SQOR: variants seen among roughly 807,000 people sequenced by gnomAD.
The protein encoded by SQOR is sulfide:quinone oxidoreductase, mitochondrial.
A neutral mutation model predicts 48.6 loss-of-function variants in SQOR; 39 were observed. The ratio of observed to expected loss-of-function variants is 0.80; its 90% CI spans 0.62 to 1.05. The LOEUF is 1.05. Ranked by LOEUF, SQOR falls within the 50% of genes least tolerant of loss-of-function variation. The probability of loss-of-function intolerance (pLI) is 0.00; values close to 1 mark genes in which losing one functional copy is unlikely to be tolerated. For synonymous variants in SQOR, 220 were observed against 206.2 expected (o/e 1.07, Z -0.57); for missense variants, 561 against 559.9 (o/e 1.00, Z -0.02).
intron 3 of SQOR, among the ~76,000 whole-genome samples, chr15:45,668,431 A>G (rs1043245542): frequency 6.6e-6 from 1 of 152,254 alleles, no homozygotes; most frequent in Non-Finnish European, 1.5e-5. Context: ...AAGGAATAAG[A>G]CATAACTTTT....
At chr15:45,649,345 A>G (rs1161890426) in intron 1 of SQOR, among the ~76,000 whole-genome samples, 3 of 152,240 alleles carry the variant, frequency 2.0e-5, no homozygotes, top group Non-Finnish European at 4.4e-5. Flanking sequence ...CATCCTTTGA[A>G]GGAGGGACAC....
At chr15:45,671,725 G>T (rs949691708) in intron 4 of SQOR, among the ~76,000 whole-genome samples, 7 of 152,188 alleles carry the variant, frequency 4.6e-5, no homozygotes, top group Non-Finnish European at 1.0e-4. Context: ...TTTGGGTTCT[G>T]TTGGACTCAG....
chr15:45,688,887 A>C (rs984111425), intron 8 of SQOR, 152 bp from the exon 9 acceptor site: 1 of 609,602 alleles, frequency 1.6e-6, no homozygotes, highest in Non-Finnish European at 2.7e-6. Flanking sequence ...TTTTTTTTGT[A>C]ATATAATTTA....
chr15:45,673,699 C>G lies in SQOR; in HGVS notation c.552C>G (p.Asp184Glu), dbSNP rs1184930437. Residue 184 changes from aspartate to glutamate, a missense_variant, in exon 5 of 10, where the codon GAC becomes GAG. By Grantham distance (45) the Asp-to-Glu change is conservative. Coordinates refer to ENST00000260324, the MANE Select transcript of SQOR (RefSeq NM_021199.4). ...AGAAGACATGGAAAGCTCTGCAGGA[C>G]TTCAAAGAGGGCAATGCCATCTTCA... ...TVEKTWKALQDFKEGNAIFTF... is the reference protein window; with the variant it reads ...TVEKTWKALQEFKEGNAIFTF... The G allele has an allele frequency of 1.2e-6, 2 of 1,614,084 alleles. No homozygotes were observed. Among genetic ancestry groups the G allele is most frequent in the African/African-American group, 2.7e-5 (2 of 74,924 alleles).
At chr15:45,663,557 T>A (rs543016760) in intron 3 of SQOR, among the ~76,000 whole-genome samples, 3 of 151,938 alleles carry the variant, frequency 2.0e-5, no homozygotes, top group South Asian at 4.2e-4. Flanking sequence ...CTTGAGCCCA[T>A]GAGGTCAAGG....
At position 45,642,406 on chromosome 15, in the gene SQOR, G is replaced by A. The variant is rs543335673; in HGVS notation, c.-18+7298G>A. On this transcript the variant is annotated intron_variant, in intron 1 of 9. Coordinates refer to ENST00000260324, the MANE Select transcript of SQOR (RefSeq NM_021199.4). ...AAGAATCTGGAATATTTTTTGTCGA[G>A]ATCTCCAAATTTTTTAATGTTGATG... Among the ~76,000 whole-genome samples the A allele has an allele frequency of 2.6e-5, 4 of 152,294 alleles. No homozygotes were observed. In the South Asian group the frequency reaches 8.3e-4, roughly 32 times the overall value.
chr15:45,669,597 T>C (rs1267136698), intron 3 of SQOR, among the ~76,000 whole-genome samples: 1 of 152,186 alleles, frequency 6.6e-6, no homozygotes, highest in Non-Finnish European at 1.5e-5. Flanking sequence ...CACATAGCTG[T>C]CTCAAGCTTT....
At chr15:45,690,396 C>A (rs1370120609) in intron 9 of SQOR, among the ~76,000 whole-genome samples, 2 of 152,186 alleles carry the variant, frequency 1.3e-5, no homozygotes, top group Non-Finnish European at 2.9e-5. Flanking sequence ...CTGATGACCT[C>A]CTTTGACTTT....
intron 3 of SQOR, among the ~76,000 whole-genome samples, chr15:45,664,694 G>A (rs912115030): frequency 2.0e-5 from 3 of 151,920 alleles, no homozygotes; most frequent in East Asian, 1.9e-4. Flanking sequence ...GCTTGAGGTC[G>A]GTGCAAATTG....
At chr15:45,674,801 C>T (rs1890006465) in intron 5 of SQOR, among the ~76,000 whole-genome samples, 1 of 152,194 alleles carries the variant, frequency 6.6e-6, no homozygotes. Context: ...TTCTTGCCCT[C>T]CCTGCTCTTG....
chr15:45,657,418 A>G (rs541383686), intron 1 of SQOR, among the ~76,000 whole-genome samples: 1 of 152,266 alleles, frequency 6.6e-6, no homozygotes, highest in Middle Eastern at 3.4e-3. Context: ...TTAGATTCCT[A>G]GAAATGGAAA....
intron 1 of SQOR, among the ~76,000 whole-genome samples, chr15:45,637,293 C>T (rs1895022132): frequency 6.6e-6 from 1 of 152,146 alleles, no homozygotes; most frequent in African/African-American, 2.4e-5. Flanking sequence ...AATTTCTTTT[C>T]GCCTCAGCTT....
At chr15:45,636,517 C>T (rs1895009842) in intron 1 of SQOR, among the ~76,000 whole-genome samples, 1 of 151,592 alleles carries the variant, frequency 6.6e-6, no homozygotes, top group Non-Finnish European at 1.5e-5. Flanking sequence ...GATTCTCCTG[C>T]CTCAGCCTCC....
intron 1 of SQOR, among the ~76,000 whole-genome samples, chr15:45,657,897 T>C (rs1055001268): frequency 1.3e-5 from 2 of 152,158 alleles, no homozygotes; most frequent in South Asian, 2.1e-4. Context: ...ACGGTAGGAT[T>C]TGGGGCACTG....
At position 45,650,849 on chromosome 15, in the gene SQOR, G is replaced by T. The variant is rs150241296; in HGVS notation, c.-17-8058G>T. On this transcript the variant is annotated intron_variant, in intron 1 of 9. Transcript: ENST00000260324. ...ATAAAGGTTCTCCAAGTCCCCACCA[G>T]ATTAGCTAGACACTGGGTACTGATT... Among the ~76,000 whole-genome samples, 532 of 152,312 alleles carry T rather than the reference G, an allele frequency of 3.5e-3. 5 individuals are homozygous for T. Among genetic ancestry groups the T allele is most frequent in the African/African-American group, 0.012 (512 of 41,564 alleles).
At chr15:45,670,906 AG>A (rs1186642628) in intron 4 of SQOR, among the ~76,000 whole-genome samples, 1 of 152,140 alleles carries the variant, frequency 6.6e-6, no homozygotes, top group Non-Finnish European at 1.5e-5. Context: ...ATATGGAGAA[AG>A]GTGTTTATTA....
intron 1 of SQOR, among the ~76,000 whole-genome samples, chr15:45,651,336 G>A (rs753594796): frequency 1.4e-4 from 22 of 152,100 alleles, no homozygotes; most frequent in South Asian, 2.1e-4. Flanking sequence ...CCCAGAACTC[G>A]TGCTGGCCCG....
chr15:45,659,211 AGT>A (rs142512593), intron 2 of SQOR, 54 bp downstream of exon 2: 27,120 of 968,606 alleles, frequency 0.028, no homozygotes, highest in South Asian at 0.036. Context: ...TGTGTGTGTG[AGT>A]GTGTGTGTGT....
intron 1 of SQOR, among the ~76,000 whole-genome samples, chr15:45,652,878 C>T (rs1230872494): frequency 6.6e-6 from 1 of 151,322 alleles, no homozygotes; most frequent in Admixed American, 6.6e-5. Flanking sequence ...GGGCCGGAGA[C>T]AGGAAAATTG....
Sources: allele counts gnomAD v4.1 joint callset (sites outside exome capture counted in the v4.1 genomes callset), GRCh38; gene constraint gnomAD v4.1.1; transcripts MANE v1.5; gene names NCBI Gene and HGNC (gene_info 2026-07-23, HGNC 2026-07-21).